The following MTSS1 variants were observed in gnomAD, a reference collection of about 807,000 sequenced individuals.
The protein encoded by MTSS1 is protein MTSS 1.
Under a neutral mutation model 79.0 loss-of-function variants are expected in MTSS1, and 18 were observed. The ratio of observed to expected loss-of-function variants is 0.23; its 90% CI spans 0.16 to 0.34. MTSS1 has a LOEUF of 0.34. Ranked by LOEUF, MTSS1 falls within the 10% of genes least tolerant of loss-of-function variation. The pLI is 1.00. For missense variants in MTSS1, 815 were observed against 986.2 expected, an observed-to-expected ratio of 0.83 and a Z score of 2.33; for synonymous variants, 341 against 368.6, an observed-to-expected ratio of 0.93 and a Z score of 0.86.
intron 3 of MTSS1, among the ~76,000 whole-genome samples, chr8:124,667,934 A>T (rs895018884): frequency 3.3e-5 from 5 of 151,982 alleles, no homozygotes; most frequent in African/African-American, 9.7e-5. Flanking sequence ...TTAGCCAGAC[A>T]TGGTGGTGTG....
At chr8:124,656,218 T>C (rs61059605) in intron 3 of MTSS1, among the ~76,000 whole-genome samples, 4,302 of 152,290 alleles carry the variant, frequency 0.028, 206 homozygotes, top group African/African-American at 0.098. Context: ...GGGGCTAGCA[T>C]ACTTGAACTC....
intron 3 of MTSS1, among the ~76,000 whole-genome samples, chr8:124,609,834 T>C (rs1179094720): frequency 6.6e-6 from 1 of 152,150 alleles, no homozygotes; most frequent in Non-Finnish European, 1.5e-5. Context: ...ACTTGGACAC[T>C]ATCCTATTCT....
At chr8:124,572,929 TAG>T (rs1374146958) in intron 6 of MTSS1, among the ~76,000 whole-genome samples, 1 of 151,992 alleles carries the variant, frequency 6.6e-6, no homozygotes, top group Admixed American at 6.6e-5. Context: ...GTATTTTTAG[TAG>T]AGACAGGATT....
chr8:124,696,750 C>G lies in MTSS1; in HGVS notation c.208+2776G>C, dbSNP rs552362621. Among the ~76,000 whole-genome samples, 4 of 151,734 alleles carry G rather than the reference C, an allele frequency of 2.6e-5. No individual in the cohort carries two copies. In the South Asian group the frequency reaches 8.3e-4, roughly 32 times the overall value. The stretch of plus-strand genomic sequence containing the variant: ...CCTGTAATCCCAGCTACTTGGGAGG[C>G]TGAGGCAGGAGAATCACTTGAACCC... On this transcript the variant is annotated intron_variant, in intron 3 of 13. Coordinates refer to ENST00000518547, the MANE Select transcript of MTSS1 (RefSeq NM_014751.6).
In MTSS1 at chr8:124,576,176, G is replaced by C. The variant is rs185295782; in HGVS notation, c.461-7640C>G. Reference sequence around the variant, plus strand: ...AGAGTCCTTTAATGTAGTAAACAAGGCTACAATCTGCATTCTTTATAAGAA... The same window carrying C: ...AGAGTCCTTTAATGTAGTAAACAAGCCTACAATCTGCATTCTTTATAAGAA... On this transcript the variant is annotated intron_variant, in intron 6 of 13. Coordinates refer to ENST00000518547, the MANE Select transcript of MTSS1 (RefSeq NM_014751.6). 4.3e-3 allele frequency among the ~76,000 whole-genome samples: 655 copies of C among 152,260 alleles called. 8 individuals are homozygous for C. Among genetic ancestry groups the C allele is most frequent in the African/African-American group, 0.015 (627 of 41,554 alleles).
intron 3 of MTSS1, among the ~76,000 whole-genome samples, chr8:124,621,345 C>A (rs148377274): frequency 1.1e-3 from 167 of 152,280 alleles, no homozygotes; most frequent in Admixed American, 2.9e-3. Context: ...TTAGCCCCAG[C>A]CATGGTCTCA....
intron 10 of MTSS1, among the ~76,000 whole-genome samples, chr8:124,560,681 A>C (rs1238909661): frequency 6.6e-6 from 1 of 151,998 alleles, no homozygotes; most frequent in Admixed American, 6.6e-5. Flanking sequence ...AAACAACAAA[A>C]CAGTAACCCA....
intron 10 of MTSS1, among the ~76,000 whole-genome samples, chr8:124,561,400 C>A (rs1478540473): frequency 6.6e-6 from 1 of 152,200 alleles, no homozygotes; most frequent in East Asian, 1.9e-4. Context: ...CCTGGGGTGA[C>A]AAAGCGAGAC....
chr8:124,631,798 C>T (rs1816005044), intron 3 of MTSS1, among the ~76,000 whole-genome samples: 1 of 152,214 alleles, frequency 6.6e-6, no homozygotes, highest in African/African-American at 2.4e-5. Flanking sequence ...CCACTGCTTA[C>T]AGAATCACAC....
intron 3 of MTSS1, among the ~76,000 whole-genome samples, chr8:124,616,801 A>G (rs1836959353): frequency 6.6e-6 from 1 of 152,234 alleles, no homozygotes; most frequent in Non-Finnish European, 1.5e-5. Flanking sequence ...AAATCTTCAG[A>G]TTATGAGACT....
At chr8:124,574,137 G>T (rs1170310772) in intron 6 of MTSS1, among the ~76,000 whole-genome samples, 1 of 152,052 alleles carries the variant, frequency 6.6e-6, no homozygotes, top group African/African-American at 2.4e-5. Flanking sequence ...TAGAGACAGG[G>T]TTTTACTATG....
At chr8:124,649,753 G>A (rs1291117330) in intron 3 of MTSS1, among the ~76,000 whole-genome samples, 1 of 152,060 alleles carries the variant, frequency 6.6e-6, no homozygotes, top group Non-Finnish European at 1.5e-5. Flanking sequence ...CCAAAAGAAA[G>A]GACGCAAGGC....
chr8:124,556,134 A>C, intron 12 of MTSS1, 98 bp downstream of exon 12: 1 of 1,581,804 alleles, frequency 6.3e-7, no homozygotes, highest in Non-Finnish European at 8.6e-7. Context: ...AGGTCCCTCC[A>C]GCTGCAAGGC....
intron 3 of MTSS1, among the ~76,000 whole-genome samples, chr8:124,643,995 G>GCA (rs144695852): frequency 0.038 from 5,856 of 152,172 alleles, 264 homozygotes; most frequent in East Asian, 0.17. Context: ...GAGGGACAAA[G>GCA]CACACTAAAG....
chr8:124,663,191 C>A (rs1822415221), intron 3 of MTSS1, among the ~76,000 whole-genome samples: 1 of 152,184 alleles, frequency 6.6e-6, no homozygotes, highest in Non-Finnish European at 1.5e-5. Flanking sequence ...AGCAGCATGG[C>A]CAGACACTCC....
At chr8:124,619,941 T>TCTTTC (rs1248426457) in intron 3 of MTSS1, among the ~76,000 whole-genome samples, 1 of 144,616 alleles carries the variant, frequency 6.9e-6, no homozygotes. Context: ...GTTTTTCTTT[T>TCTTTC]CTTTTCTTTT....
chr8:124,558,479 A>G (rs1586787247), intron 10 of MTSS1, among the ~76,000 whole-genome samples: 1 of 152,096 alleles, frequency 6.6e-6, no homozygotes, highest in East Asian at 1.9e-4. Flanking sequence ...CACACCTCCA[A>G]ATTCCCCATA....
intron 3 of MTSS1, among the ~76,000 whole-genome samples, chr8:124,694,942 A>G (rs990835452): frequency 6.6e-6 from 1 of 152,222 alleles, no homozygotes; most frequent in Admixed American, 6.5e-5. Context: ...TAGTGCTAAT[A>G]AACTGAAATT....
At chr8:124,580,245 G>T in intron 6 of MTSS1, 1 of 334,322 alleles carries the variant, frequency 3.0e-6, no homozygotes. Context: ...ATTGACTGTG[G>T]AAATGACAGT....
Sources: allele counts gnomAD v4.1 joint callset (sites outside exome capture counted in the v4.1 genomes callset), GRCh38; gene constraint gnomAD v4.1.1; transcripts MANE v1.5; gene names NCBI Gene and HGNC (gene_info 2026-07-23, HGNC 2026-07-21).